Variants in CA10 observed in about 807,000 individuals in gnomAD.
CA10 encodes the protein carbonic anhydrase-related protein 10.
In CA10, 14 loss-of-function variants were observed where a neutral mutation model predicts 44.2. The observed-to-expected ratio is 0.32, with a 90% CI of 0.21 to 0.50. The LOEUF (loss-of-function observed/expected upper bound fraction) is 0.50, where lower values mean the gene tolerates loss of function less well. Among genes scored for constraint, CA10 ranks in the 20% least tolerant of loss-of-function variants. The probability of loss-of-function intolerance (pLI) is 0.99; values close to 1 mark genes in which losing one functional copy is unlikely to be tolerated. For missense variants in CA10, 350 were observed against 409.7 expected (o/e 0.85, Z 1.26); for synonymous variants, 159 against 141.6 (o/e 1.12, Z -0.87).
chr17:51,950,368 G>A (rs1436076707), intron 2 of CA10, among the ~76,000 whole-genome samples: 4 of 152,108 alleles, frequency 2.6e-5, no homozygotes, highest in Non-Finnish European at 5.9e-5. Flanking sequence ...TGATTTGCAT[G>A]GATTACATTC....
At chr17:52,055,205 G>A (rs1406436343) in intron 2 of CA10, among the ~76,000 whole-genome samples, 1 of 151,920 alleles carries the variant, frequency 6.6e-6, no homozygotes, top group Non-Finnish European at 1.5e-5. Context: ...TAACACCTAG[G>A]ACTATCTTAA....
chr17:51,961,195 AC>A (rs1983878287), intron 2 of CA10, among the ~76,000 whole-genome samples: 2 of 143,644 alleles, frequency 1.4e-5, no homozygotes, highest in South Asian at 2.3e-4. Flanking sequence ...ACAAACACAC[AC>A]ACACACACAC....
At chr17:51,796,220 C>CT (rs147671218) in intron 3 of CA10, among the ~76,000 whole-genome samples, 3,325 of 150,918 alleles carry the variant, frequency 0.022, 127 homozygotes, top group African/African-American at 0.076. Flanking sequence ...CAATCCTGTT[C>CT]TTTTTTTTTA....
intron 7 of CA10, 30 bp from the exon 8 acceptor site, chr17:51,633,680 A>ATCC (rs59307927): frequency 6.2e-7 from 1 of 1,607,072 alleles, no homozygotes; most frequent in African/African-American, 1.3e-5. Flanking sequence ...CGTGAGATCC[A>ATCC]ACCATCCTCT....
intron 4 of CA10, among the ~76,000 whole-genome samples, chr17:51,663,067 A>G (rs1307921296): frequency 2.0e-5 from 3 of 152,212 alleles, no homozygotes; most frequent in Non-Finnish European, 4.4e-5. Flanking sequence ...ATAGGGATGC[A>G]TCTATCTAAG....
chr17:51,918,208 T>C (rs1352758199), intron 3 of CA10, among the ~76,000 whole-genome samples: 3 of 152,200 alleles, frequency 2.0e-5, no homozygotes, highest in Admixed American at 2.0e-4. Flanking sequence ...TGTGTATTCA[T>C]TTTCTCCATC....
chr17:51,802,929 T>G (rs924036563), intron 3 of CA10, among the ~76,000 whole-genome samples: 5 of 152,116 alleles, frequency 3.3e-5, no homozygotes, highest in Non-Finnish European at 7.3e-5. Flanking sequence ...AATAAAACAG[T>G]CATCTCGTTG....
At chr17:52,081,799 CAAAAAAAAAAA>C (rs10707842) in intron 1 of CA10, among the ~76,000 whole-genome samples, 1 of 78,332 alleles carries the variant, frequency 1.3e-5, no homozygotes, top group African/African-American at 4.6e-5. Context: ...GACTCCGTCT[CAAAAAAAAAAA>C]AAAAAAAAAA....
intron 1 of CA10, among the ~76,000 whole-genome samples, chr17:52,124,312 C>T (rs922601727): frequency 6.6e-6 from 1 of 152,156 alleles, no homozygotes; most frequent in Non-Finnish European, 1.5e-5. Flanking sequence ...TTATTGGTCC[C>T]ATTCTATGGA....
intron 4 of CA10, among the ~76,000 whole-genome samples, chr17:51,746,968 C>A (rs922566583): frequency 1.3e-5 from 2 of 152,208 alleles, no homozygotes; most frequent in Admixed American, 6.5e-5. Flanking sequence ...TTCATAAACA[C>A]CCTCCAGTAT....
intron 4 of CA10, among the ~76,000 whole-genome samples, chr17:51,733,235 T>C (rs1336048586): frequency 6.6e-6 from 1 of 152,204 alleles, no homozygotes; most frequent in Non-Finnish European, 1.5e-5. Context: ...TTCTATGAGA[T>C]AGCAATAACA....
intron 2 of CA10, among the ~76,000 whole-genome samples, chr17:51,931,834 A>G (rs1022373975): frequency 6.6e-6 from 1 of 152,154 alleles, no homozygotes; most frequent in Non-Finnish European, 1.5e-5. Flanking sequence ...GAAAACTTCT[A>G]TTAGAATGTA....
At chr17:51,639,518 AAC>A (rs1239977902) in intron 6 of CA10, among the ~76,000 whole-genome samples, 1 of 152,110 alleles carries the variant, frequency 6.6e-6, no homozygotes, top group Non-Finnish European at 1.5e-5. Flanking sequence ...AGGTTTCCAA[AAC>A]ACCGTAGTGC....
At chr17:52,024,356 A>G (rs183997873) in intron 2 of CA10, among the ~76,000 whole-genome samples, 367 of 152,274 alleles carry the variant, frequency 2.4e-3, no homozygotes, top group Non-Finnish European at 2.8e-3. Context: ...TAAGTTATGT[A>G]AAAAGATAAT....
chr17:51,643,689 G>A (rs1647380475), intron 6 of CA10, among the ~76,000 whole-genome samples: 1 of 152,194 alleles, frequency 6.6e-6, no homozygotes, highest in Admixed American at 6.5e-5. Flanking sequence ...TTGACTCTGT[G>A]TCCTGTATTG....
At chr17:51,668,548 G>A (rs934180813) in intron 4 of CA10, among the ~76,000 whole-genome samples, 1 of 152,180 alleles carries the variant, frequency 6.6e-6, no homozygotes, top group South Asian at 2.1e-4. Context: ...GTCTAATTTC[G>A]ATCTGTAGAC....
At chr17:51,993,937 C>G (rs929634369) in intron 2 of CA10, among the ~76,000 whole-genome samples, 1 of 151,946 alleles carries the variant, frequency 6.6e-6, no homozygotes, top group African/African-American at 2.4e-5. Flanking sequence ...AGATAAGGAA[C>G]CAGTAGTTAC....
At chr17:51,774,019 C>G (rs1905711784) in intron 3 of CA10, among the ~76,000 whole-genome samples, 2 of 152,202 alleles carry the variant, frequency 1.3e-5, no homozygotes, top group Admixed American at 1.3e-4. Flanking sequence ...TTCTCTCCTT[C>G]TAAGGAGAAG....
chr17:52,101,712 C>T (rs1381726489), intron 1 of CA10, among the ~76,000 whole-genome samples: 4 of 152,148 alleles, frequency 2.6e-5, no homozygotes, highest in African/African-American at 9.7e-5. Context: ...TGCCATTGAA[C>T]GGTTGACTAC....
Sources: allele counts gnomAD v4.1 joint callset (sites outside exome capture counted in the v4.1 genomes callset), GRCh38; gene constraint gnomAD v4.1.1; transcripts MANE v1.5; gene names NCBI Gene and HGNC (gene_info 2026-07-23, HGNC 2026-07-21).